The following CLVS1 variants were observed in gnomAD, a reference collection of about 807,000 sequenced individuals.
The protein encoded by CLVS1 is clavesin-1.
Under a neutral mutation model 33.1 loss-of-function variants are expected in CLVS1, and 10 were observed. The observed-to-expected ratio is 0.30, with a 90% CI of 0.19 to 0.51. CLVS1 has a LOEUF of 0.51. Ranked by LOEUF, CLVS1 falls within the 20% of genes least tolerant of loss-of-function variation. The probability of loss-of-function intolerance (pLI) is 0.97; values close to 1 mark genes in which losing one functional copy is unlikely to be tolerated. For missense variants in CLVS1, 343 were observed against 433.4 expected (o/e 0.79, Z 1.85); for synonymous variants, 163 against 166.1 (o/e 0.98, Z 0.14).
At chr8:61,174,847 C>G (rs1476274847) in intron 2 of CLVS1, among the ~76,000 whole-genome samples, 2 of 88,616 alleles carry the variant, frequency 2.3e-5, no homozygotes, top group Non-Finnish European at 4.9e-5. Context: ...TTTATCCCCC[C>G]CGTCAGCTTC....
At chr8:61,055,188 A>T (rs557060728), upstream of CLVS1, among the ~76,000 whole-genome samples, 1 of 152,362 alleles carries the variant, frequency 6.6e-6, no homozygotes, top group East Asian at 1.9e-4. Context: ...TGCTGCTCAG[A>T]TAATTACAGA....
chr8:61,409,531 A>T (rs1489972578), intron 3 of CLVS1, among the ~76,000 whole-genome samples: 1 of 152,216 alleles, frequency 6.6e-6, no homozygotes, highest in South Asian at 2.1e-4. Context: ...ATGTACCACA[A>T]TTTGTTAAAC....
chr8:61,344,616 C>T (rs1378485427), intron 2 of CLVS1, among the ~76,000 whole-genome samples: 2 of 152,146 alleles, frequency 1.3e-5, no homozygotes, highest in African/African-American at 2.4e-5. Context: ...GCTGTATAGA[C>T]TGGAGTTTGT....
chr8:61,181,251 A>G (rs1008961078), intron 2 of CLVS1, among the ~76,000 whole-genome samples: 3 of 152,234 alleles, frequency 2.0e-5, no homozygotes, highest in African/African-American at 7.2e-5. Context: ...CAAAGAAAAT[A>G]AAATATCTAG....
At chr8:61,213,975 G>GC (rs764597003) in intron 2 of CLVS1, among the ~76,000 whole-genome samples, 49 of 152,040 alleles carry the variant, frequency 3.2e-4, no homozygotes, top group Admixed American at 1.4e-3. Context: ...GCCTATAAAT[G>GC]CCCCCCCACT....
At chr8:61,261,510 T>C (rs1809202475) in intron 2 of CLVS1, among the ~76,000 whole-genome samples, 1 of 152,174 alleles carries the variant, frequency 6.6e-6, no homozygotes, top group East Asian at 1.9e-4. Context: ...AGAGATGGAA[T>C]GTTTTTGTCG....
chr8:61,035,439 G>A, the CLVS1 span, among the ~76,000 whole-genome samples: 8 of 152,130 alleles, frequency 5.3e-5, no homozygotes, highest in East Asian at 5.8e-4. Context: ...CTCAAAGGCC[G>A]AGAGAGATTG....
intron 2 of CLVS1, among the ~76,000 whole-genome samples, chr8:61,137,387 T>C (rs1806210012): frequency 6.6e-6 from 1 of 152,208 alleles, no homozygotes; most frequent in South Asian, 2.1e-4. Context: ...GGTAGCTGTG[T>C]GACCTTAGAT....
chr8:61,252,821 G>A (rs943749716), intron 2 of CLVS1, among the ~76,000 whole-genome samples: 29 of 152,032 alleles, frequency 1.9e-4, no homozygotes, highest in East Asian at 7.7e-4. Flanking sequence ...GTCTTTAAAC[G>A]TGAGATGGGT....
intron 5 of CLVS1, among the ~76,000 whole-genome samples, chr8:61,473,522 A>T (rs1817808545): frequency 6.6e-6 from 1 of 152,136 alleles, no homozygotes; most frequent in African/African-American, 2.4e-5. Context: ...GAGTGCAATG[A>T]ATAGATAAGT....
intron 1 of CLVS1, among the ~76,000 whole-genome samples, chr8:61,097,525 G>T (rs1393118210): frequency 6.6e-6 from 1 of 152,144 alleles, no homozygotes; most frequent in Non-Finnish European, 1.5e-5. Context: ...TCTCTAGAGT[G>T]GTGTGAGCAC....
chr8:61,202,745 A>T (rs930895793), intron 2 of CLVS1: 2 of 1,575,374 alleles, frequency 1.3e-6, no homozygotes, highest in Non-Finnish European at 8.6e-7. Flanking sequence ...GAGGAGGAGG[A>T]TGTGAAACTC....
At chr8:61,430,394 G>A (rs1816065690) in intron 3 of CLVS1, among the ~76,000 whole-genome samples, 3 of 152,158 alleles carry the variant, frequency 2.0e-5, no homozygotes, top group African/African-American at 7.2e-5. Flanking sequence ...GAGGACAATG[G>A]AGCAGAAAGA....
intron 2 of CLVS1, among the ~76,000 whole-genome samples, chr8:61,221,098 T>A (rs71483785): frequency 6.6e-6 from 1 of 152,024 alleles, no homozygotes; most frequent in Admixed American, 6.6e-5. Context: ...GATGATGGGG[T>A]TTTCTAAATA....
At chr8:61,492,529 G>T (rs1046801213) in intron 5 of CLVS1, among the ~76,000 whole-genome samples, 4 of 151,988 alleles carry the variant, frequency 2.6e-5, no homozygotes, top group Non-Finnish European at 5.9e-5. Context: ...TTTTTGGGGG[G>T]GTCTTTCTTC....
chr8:61,346,905 A>G (rs927457576), intron 2 of CLVS1, among the ~76,000 whole-genome samples: 3 of 152,230 alleles, frequency 2.0e-5, no homozygotes, highest in Non-Finnish European at 4.4e-5. Context: ...TCTCCATCTA[A>G]AAGAGCAAGG....
intron 2 of CLVS1, among the ~76,000 whole-genome samples, chr8:61,164,733 G>A (rs1452136827): frequency 1.3e-5 from 2 of 152,074 alleles, no homozygotes; most frequent in Admixed American, 6.5e-5. Context: ...CTCTTTGTTG[G>A]AATCCCCCCT....
chr8:61,194,431 A>G (rs1045840781), intron 2 of CLVS1, among the ~76,000 whole-genome samples: 3 of 152,080 alleles, frequency 2.0e-5, no homozygotes, highest in Non-Finnish European at 4.4e-5. Context: ...AATGGCTGAT[A>G]TATCAATGTC....
At chr8:61,257,391 A>G (rs1809105881) in intron 2 of CLVS1, among the ~76,000 whole-genome samples, 1 of 152,256 alleles carries the variant, frequency 6.6e-6, no homozygotes, top group Non-Finnish European at 1.5e-5. Flanking sequence ...AGTTTTAAAT[A>G]TGTTTTAACT....
Sources: gnomAD v4.1 joint callset for allele counts (sites outside exome capture counted in the v4.1 genomes callset) on GRCh38, gnomAD v4.1.1 for gene constraint, MANE v1.5 for transcripts, NCBI Gene and HGNC (gene_info 2026-07-23, HGNC 2026-07-21) for gene names.